TG: variants seen among roughly 807,000 people sequenced by gnomAD.
TG encodes thyroglobulin.
Under a neutral mutation model 324.7 loss-of-function variants are expected in TG, and 270 were observed. The ratio of observed to expected loss-of-function variants is 0.83; its 90% CI spans 0.75 to 0.92. The LOEUF is 0.92. Among genes scored for constraint, TG ranks in the 40% least tolerant of loss-of-function variants. TG has a pLI of 0.00. For synonymous variants in TG, 1,401 were observed against 1,327.0 expected, an observed-to-expected ratio of 1.06 and a Z score of -1.21; for missense variants, 3,591 against 3,456.4, an observed-to-expected ratio of 1.04 and a Z score of -0.98.
chr8:133,112,108 C>T (rs12680666), intron 43 of TG, among the ~76,000 whole-genome samples: 132 of 1,164 alleles, frequency 0.11, no homozygotes, highest in South Asian at 0.34. Flanking sequence ...CCAGGAGTGG[C>T]TGTGCCCACC....
chr8:133,111,637 G>C (rs950162704), intron 43 of TG, among the ~76,000 whole-genome samples: 2 of 152,224 alleles, frequency 1.3e-5, no homozygotes, highest in South Asian at 2.1e-4. Context: ...TAGATGGTAA[G>C]AGTATGGAGT....
chr8:132,898,326 G>C, intron 13 of TG, 80 bp downstream of exon 13: 1 of 1,354,648 alleles, frequency 7.4e-7, no homozygotes, highest in Non-Finnish European at 1.0e-6. Flanking sequence ...TTGCCTAACC[G>C]CTGGAGACTC....
chr8:132,999,028 G>A (rs561047159), intron 35 of TG, among the ~76,000 whole-genome samples: 20 of 152,326 alleles, frequency 1.3e-4, no homozygotes, highest in Middle Eastern at 3.4e-3. Flanking sequence ...TTGTCAGAGG[G>A]TTGGGCCTCC....
Position 133,029,896 on chromosome 8 carries a change from G to C in TG, c.7112G>C (p.Arg2371Pro). ...CTGACCTGGGTGCAGACCCACATCC[G>C]AGGATTTGGCGGGGACCCTCGGCGC... ...AALTWVQTHI[R>P]GFGGDPRRVS... Residue 2371 changes from arginine to proline, a missense_variant, in exon 41 of 48, where the codon CGA becomes CCA. Coordinates refer to ENST00000220616, the MANE Select transcript of TG (RefSeq NM_003235.5). 3 of 1,614,230 alleles carry C rather than the reference G, an allele frequency of 1.9e-6. No homozygotes were observed. Among genetic ancestry groups the C allele is most frequent in the Non-Finnish European group, 2.5e-6 (3 of 1,180,038 alleles).
chr8:133,045,690 G>A (rs1839238895), intron 41 of TG, among the ~76,000 whole-genome samples: 1 of 151,948 alleles, frequency 6.6e-6, no homozygotes, highest in South Asian at 2.1e-4. Flanking sequence ...CTACCATGCC[G>A]GGCCTCATCC....
chr8:133,003,092 A>T, intron 35 of TG: 1 of 1,030,322 alleles, frequency 9.7e-7, no homozygotes, highest in Non-Finnish European at 1.2e-6. Flanking sequence ...GAATTACTGG[A>T]AGATGGTGGT....
chr8:132,975,659 C>T (rs1164962901), intron 34 of TG, among the ~76,000 whole-genome samples: 2 of 152,174 alleles, frequency 1.3e-5, no homozygotes, highest in African/African-American at 4.8e-5. Context: ...ATACTGTGTG[C>T]CTGGCTGGAT....
chr8:132,966,738 G>A, intron 30 of TG, 41 bp downstream of exon 30: 1 of 1,612,710 alleles, frequency 6.2e-7, no homozygotes, highest in Non-Finnish European at 8.5e-7. Flanking sequence ...TCCAGACACT[G>A]TAGTCAGGCA....
chr8:132,885,622 C>T (rs1253248090), intron 8 of TG, among the ~76,000 whole-genome samples: 3 of 151,250 alleles, frequency 2.0e-5, no homozygotes, highest in African/African-American at 2.5e-5. Flanking sequence ...AGAATTCCAA[C>T]GAGAGAATGC....
intron 40 of TG, among the ~76,000 whole-genome samples, chr8:133,026,674 C>T (rs1373945798): frequency 6.6e-6 from 1 of 152,088 alleles, no homozygotes; most frequent in African/African-American, 2.4e-5. Flanking sequence ...GACAGAAGGT[C>T]CGGCTGCCAA....
chr8:132,869,189 T>C (rs1839244968), intron 2 of TG, among the ~76,000 whole-genome samples: 1 of 152,198 alleles, frequency 6.6e-6, no homozygotes, highest in Non-Finnish European at 1.5e-5. Context: ...TTGCATATGC[T>C]GTTCCCTTTA....
At chr8:132,937,112 C>T (rs889293460) in intron 25 of TG, among the ~76,000 whole-genome samples, 1 of 152,162 alleles carries the variant, frequency 6.6e-6, no homozygotes, top group African/African-American at 2.4e-5. Context: ...ATCTTTGTTC[C>T]TGCTAAAAAG....
intron 16 of TG, 58 bp from the exon 17 acceptor site, chr8:132,906,630 G>A: frequency 5.6e-6 from 9 of 1,596,696 alleles, no homozygotes; most frequent in Non-Finnish European, 5.1e-6. Context: ...AAGCAGGCAT[G>A]CTCAGTCGTC....
At chr8:133,021,285 G>A (rs1443996379) in intron 39 of TG, among the ~76,000 whole-genome samples, 1 of 152,218 alleles carries the variant, frequency 6.6e-6, no homozygotes, top group Non-Finnish European at 1.5e-5. Context: ...ACCAAGATGG[G>A]TCCAGTCACA....
In TG at chr8:132,871,453, C is replaced by T. The variant is rs200217990; in HGVS notation, c.380C>T (p.Ala127Val). Residue 127 changes from alanine (A) to valine (V), a missense_variant, in exon 4 of 48, where the codon GCG becomes GTG. Coordinates refer to ENST00000220616, the MANE Select transcript of TG (RefSeq NM_003235.5). ...LPQCQDSGDY[A>V]PVQCDVQQVQ... ...CAGTGTCAGGATTCAGGGGACTACGCGCCTGTTCAGTGTGATGTGCAGCAG... is the reference window on the plus strand; with the variant it reads ...CAGTGTCAGGATTCAGGGGACTACGTGCCTGTTCAGTGTGATGTGCAGCAG... The T allele has an allele frequency of 5.6e-5, 91 of 1,614,190 alleles. 2 individuals are homozygous for T. In the South Asian group the frequency reaches 7.9e-4, roughly 14 times the overall value.
At chr8:132,943,262 GTTC>G (rs1824720884) in intron 26 of TG, among the ~76,000 whole-genome samples, 1 of 152,102 alleles carries the variant, frequency 6.6e-6, no homozygotes, top group Admixed American at 6.5e-5. Flanking sequence ...CAGTGAGTGA[GTTC>G]TTCTTGCAAG....
rs762429235 is a variant in TG at position 132,901,569 on chromosome 8, C to G, written c.3634+16C>G. ...GCCTGTGAGAGTAAGTCATGACCCCCTGGGGGGACGACGAGGCCTGCATAT... is the reference window on the plus strand; with the variant it reads ...GCCTGTGAGAGTAAGTCATGACCCCGTGGGGGGACGACGAGGCCTGCATAT... On this transcript the variant is annotated intron_variant, in intron 16 of 47. Transcript: ENST00000220616. The G allele has an allele frequency of 3.1e-5, 50 of 1,608,604 alleles. No individual in the cohort carries two copies. In the East Asian group the frequency reaches 1.0e-3, roughly 34 times the overall value.
At chr8:133,062,872 G>A (rs562595772) in intron 41 of TG, among the ~76,000 whole-genome samples, 2 of 152,262 alleles carry the variant, frequency 1.3e-5, no homozygotes, top group South Asian at 2.1e-4. Flanking sequence ...CAGGAAGCAT[G>A]TGTGTGACAT....
At chr8:133,053,093 C>T (rs1388086651) in intron 41 of TG, among the ~76,000 whole-genome samples, 1 of 152,230 alleles carries the variant, frequency 6.6e-6, no homozygotes, top group Non-Finnish European at 1.5e-5. Context: ...GCTGTTCCCT[C>T]TGCCTGGAAC....
Sources: gnomAD v4.1 joint callset for allele counts (sites outside exome capture counted in the v4.1 genomes callset) on GRCh38, gnomAD v4.1.1 for gene constraint, MANE v1.5 for transcripts, NCBI Gene and HGNC (gene_info 2026-07-23, HGNC 2026-07-21) for gene names.